TFAP2D: variants seen among roughly 807,000 people sequenced by gnomAD.
The protein encoded by TFAP2D is transcription factor AP-2 delta, also known as transcription factor AP-2-delta.
A neutral mutation model predicts 43.6 loss-of-function variants in TFAP2D; 9 were observed. The observed-to-expected ratio is 0.21, with a 90% CI of 0.12 to 0.36. The LOEUF is 0.36. Among genes scored for constraint, TFAP2D ranks in the 10% least tolerant of loss-of-function variants. The pLI is 1.00. For missense variants in TFAP2D, 513 were observed against 561.4 expected, an observed-to-expected ratio of 0.91 and a Z score of 0.87; for synonymous variants, 256 against 224.9, an observed-to-expected ratio of 1.14 and a Z score of -1.24.
rs1315291203 is a variant in TFAP2D at position 50,718,992 on chromosome 6, A to G, written c.538-98A>G. The G allele has an allele frequency of 1.6e-5, 19 of 1,155,318 alleles. No homozygotes were observed. The Middle Eastern group carries it at 6.0e-4, about 37-fold the overall frequency. The allele number at this position is 1,155,318 out of a possible 1,614,324, so 71.6% of individuals were successfully genotyped here. On this transcript the variant is annotated intron_variant, in intron 2 of 7. Coordinates refer to ENST00000008391, the MANE Select transcript of TFAP2D (RefSeq NM_172238.4). ...TGCTTGCTTTCAAATGTCTACTGAAACAGAGTTCAGGGATGGGCTAGTCTA... is the reference window on the plus strand; with the variant it reads ...TGCTTGCTTTCAAATGTCTACTGAAGCAGAGTTCAGGGATGGGCTAGTCTA...
In TFAP2D at chr6:50,723,186, T is replaced by TA. The variant is rs568032260; in HGVS notation, c.598+4046dup. 1.5e-4 allele frequency among the ~76,000 whole-genome samples: 22 copies of TA among 151,146 alleles called. No individual in the cohort carries two copies. The South Asian group carries it at 1.5e-3, about 10-fold the overall frequency. ...ATTGTCAGATCTGATTTAATTTCTT[T>TA]AAAAAAAAAATTCCTTGAAATGGAA... On this transcript the variant is annotated intron_variant, in intron 3 of 7. Coordinates refer to ENST00000008391, the MANE Select transcript of TFAP2D (RefSeq NM_172238.4).
chr6:50,750,287 G>A (rs985631908), intron 6 of TFAP2D, among the ~76,000 whole-genome samples: 39 of 151,760 alleles, frequency 2.6e-4, no homozygotes, highest in African/African-American at 7.5e-4. Context: ...ACATTTTTGC[G>A]ACTGCCCATT....
chr6:50,759,210 A>G (rs1769330485), intron 7 of TFAP2D, among the ~76,000 whole-genome samples: 1 of 152,008 alleles, frequency 6.6e-6, no homozygotes, highest in African/African-American at 2.4e-5. Context: ...TTGTTGAGCT[A>G]TTGACTGGAG....
intron 3 of TFAP2D, among the ~76,000 whole-genome samples, 179 bp downstream of exon 3, chr6:50,719,329 A>G (rs1292674083): frequency 6.6e-6 from 1 of 152,120 alleles, no homozygotes; most frequent in Non-Finnish European, 1.5e-5. Flanking sequence ...TTCTTTCATC[A>G]AGGTTTGAAC....
Position 50,715,623 on chromosome 6 carries a change from C to T in TFAP2D, c.537+10C>T. 1 of 1,582,660 alleles carries T rather than the reference C, an allele frequency of 6.3e-7. No individual in the cohort carries two copies. ...AGCAGACGACTTGCAGGTAAATAAG[C>T]ATGCAGCGAATTTGTCTGCTCCCTC... On this transcript the variant is annotated intron_variant, in intron 2 of 7. Transcript: ENST00000008391.
At chr6:50,758,203 C>A (rs1769316209) in intron 7 of TFAP2D, among the ~76,000 whole-genome samples, 1 of 151,684 alleles carries the variant, frequency 6.6e-6, no homozygotes, top group African/African-American at 2.4e-5. Context: ...ATAGACAGTC[C>A]CAGACATTTG....
intron 2 of TFAP2D, among the ~76,000 whole-genome samples, chr6:50,716,623 T>C (rs1005533896): frequency 3.9e-5 from 6 of 152,244 alleles, no homozygotes; most frequent in Admixed American, 2.0e-4. Flanking sequence ...TGCAATTATG[T>C]TGCCATAGGC....
At position 50,728,940 on chromosome 6, in the gene TFAP2D, A is replaced by C. The variant is rs746587139; in HGVS notation, c.683A>C (p.Lys228Thr). 1.2e-6 allele frequency: 2 copies of C among 1,614,024 alleles called. No individual in the cohort carries two copies. Among genetic ancestry groups the C allele is most frequent in the Admixed American group, 1.7e-5 (1 of 60,020 alleles). ...LSLLSSTSKY[K>T]VTIAEVKRRL... is the part of the protein sequence containing the mutation. Reference sequence around the variant, plus strand: ...CTTCTTAGTTCTACTTCCAAATACAAGGTGACCATTGCTGAGGTAAAGAGG... The same window carrying C: ...CTTCTTAGTTCTACTTCCAAATACACGGTGACCATTGCTGAGGTAAAGAGG... The change falls in exon 4 of 8, where the codon AAG (lysine) becomes ACG (threonine). Residue 228 changes from lysine (K) to threonine (T), a missense_variant. By Grantham distance (78) the Lys-to-Thr change is moderately conservative. Coordinates refer to ENST00000008391, the MANE Select transcript of TFAP2D (RefSeq NM_172238.4).
rs1321510478 is a variant in TFAP2D at position 50,772,636 on chromosome 6, C to T, written c.1140-9C>T. On this transcript the variant is annotated splice_polypyrimidine_tract_variant and intron_variant, in intron 7 of 7. Transcript: ENST00000008391. ...TCACCTCTTTTTTCCTATCACTTCT[C>T]ATTTCCAGTTTGATCACTCATGGCT... is the stretch of plus-strand genomic sequence containing the variant. The T allele has an allele frequency of 1.9e-6, 3 of 1,612,338 alleles. No homozygotes were observed. Among genetic ancestry groups the T allele is most frequent in the Non-Finnish European group, 2.5e-6 (3 of 1,178,784 alleles).
intron 3 of TFAP2D, among the ~76,000 whole-genome samples, chr6:50,719,447 G>GAA (rs752502180): frequency 3.8e-5 from 5 of 131,786 alleles, no homozygotes; most frequent in African/African-American, 1.4e-4. Flanking sequence ...AAAAGACAGA[G>GAA]AGAAAGAAAG....
chr6:50,736,611 A>C (rs966892960), intron 5 of TFAP2D, among the ~76,000 whole-genome samples: 1 of 151,812 alleles, frequency 6.6e-6, no homozygotes, highest in Non-Finnish European at 1.5e-5. Flanking sequence ...TTCTAATATC[A>C]CTCCCCAGGG....
chr6:50,765,677 T>C (rs1346287886), intron 7 of TFAP2D, among the ~76,000 whole-genome samples: 4 of 152,206 alleles, frequency 2.6e-5, no homozygotes, highest in Non-Finnish European at 5.9e-5. Flanking sequence ...ACTGTATGTT[T>C]GTGTCCTAAG....
chr6:50,733,966 C>T (rs1365136405), intron 5 of TFAP2D, among the ~76,000 whole-genome samples: 2 of 150,606 alleles, frequency 1.3e-5, no homozygotes, highest in Admixed American at 6.6e-5. Flanking sequence ...AATTCTCTCT[C>T]TCTGTCTCTC....
intron 7 of TFAP2D, among the ~76,000 whole-genome samples, chr6:50,757,258 T>C (rs2113889448): frequency 6.8e-6 from 1 of 146,516 alleles, no homozygotes; most frequent in Admixed American, 7.0e-5. Flanking sequence ...TATATAATTA[T>C]TCTATATATA....
At chr6:50,737,491 G>T (rs1227217121) in intron 5 of TFAP2D, among the ~76,000 whole-genome samples, 4 of 152,078 alleles carry the variant, frequency 2.6e-5, no homozygotes, top group African/African-American at 9.7e-5. Context: ...CAAACAAATA[G>T]TTCAGGATTC....
intron 7 of TFAP2D, among the ~76,000 whole-genome samples, chr6:50,754,178 T>C (rs1460984183): frequency 1.3e-5 from 2 of 151,908 alleles, no homozygotes; most frequent in African/African-American, 4.8e-5. Flanking sequence ...TGTGTTTCTG[T>C]GAATTTAACT....
At chr6:50,724,194 C>T (rs907736352) in intron 3 of TFAP2D, among the ~76,000 whole-genome samples, 2 of 151,946 alleles carry the variant, frequency 1.3e-5, no homozygotes, top group African/African-American at 4.8e-5. Flanking sequence ...TCTCCCCACC[C>T]AACTCACAGG....
At chr6:50,739,065 G>T (rs1237810437) in intron 5 of TFAP2D, among the ~76,000 whole-genome samples, 1 of 152,070 alleles carries the variant, frequency 6.6e-6, no homozygotes, top group Non-Finnish European at 1.5e-5. Context: ...ATTGATACGG[G>T]GTGAAACACT....
intron 3 of TFAP2D, among the ~76,000 whole-genome samples, chr6:50,721,844 G>A (rs942388471): frequency 6.6e-6 from 1 of 152,150 alleles, no homozygotes; most frequent in Admixed American, 6.5e-5. Flanking sequence ...TTTCTAGAAT[G>A]TACTATGGGA....
Sources: allele counts gnomAD v4.1 joint callset (sites outside exome capture counted in the v4.1 genomes callset), GRCh38; gene constraint gnomAD v4.1.1; transcripts MANE v1.5; gene names NCBI Gene and HGNC (gene_info 2026-07-23, HGNC 2026-07-21).